MYO9B: variants seen among roughly 807,000 people sequenced by gnomAD.
The protein encoded by MYO9B is unconventional myosin-IXb.
A neutral mutation model predicts 229.5 loss-of-function variants in MYO9B; 71 were observed. The ratio of observed to expected loss-of-function variants is 0.31; its 90% CI spans 0.26 to 0.38. The LOEUF (loss-of-function observed/expected upper bound fraction) is 0.38, where lower values mean the gene tolerates loss of function less well. Among genes scored for constraint, MYO9B ranks in the 10% least tolerant of loss-of-function variants. MYO9B has a pLI of 1.00. For missense variants in MYO9B, 2,255 were observed against 2,920.5 expected (o/e 0.77, Z 5.25); for synonymous variants, 1,185 against 1,235.8 (o/e 0.96, Z 0.86).
Position 17,210,865 on chromosome 19 carries a change from C to T in MYO9B, c.5930+17C>T. ...GGAGGAGAAGCAAGTGGCTCAGTCC[C>T]CTCCCTCAGTCCTTCATGTTTAGGG... On this transcript the variant is annotated intron_variant, in intron 38 of 39. Coordinates refer to ENST00000682292, the MANE Select transcript of MYO9B (RefSeq NM_004145.4). 1 of 1,583,672 alleles carries T rather than the reference C, an allele frequency of 6.3e-7. No homozygotes were observed. Among genetic ancestry groups the T allele is most frequent in the Non-Finnish European group, 8.6e-7 (1 of 1,166,126 alleles).
At position 17,172,637 on chromosome 19, in the gene MYO9B, GC is replaced by G; in HGVS notation, c.1936-120del. The G allele has an allele frequency of 6.8e-7, 1 of 1,467,764 alleles. No individual in the cohort carries two copies. The allele number at this position is 1,467,764 out of a possible 1,614,324, so 90.9% of individuals were successfully genotyped here. A position where few individuals can be genotyped will look rare whatever the true frequency, so the allele number is the denominator to read the frequency against. Reference sequence around the variant, plus strand: ...TCCAAGGCGCCATAGTTCAAGAACTGCCATTTGCACTTAGGATGGGCCCCAC... The same window carrying G: ...TCCAAGGCGCCATAGTTCAAGAACTGCATTTGCACTTAGGATGGGCCCCAC... On this transcript the variant is annotated intron_variant, in intron 12 of 39. Coordinates refer to ENST00000682292, the MANE Select transcript of MYO9B (RefSeq NM_004145.4). The surrounding 1 kb of genome is among the most constrained non-coding windows in gnomAD (Gnocchi z 8.2).
intron 20 of MYO9B, among the ~76,000 whole-genome samples, chr19:17,191,759 T>G (rs2145445019): frequency 6.6e-6 from 1 of 151,882 alleles, no homozygotes; most frequent in East Asian, 1.9e-4. Flanking sequence ...GAGGATCCCT[T>G]GAGCCCAGGA....
At chr19:17,115,087 C>T (rs1211630984) in intron 2 of MYO9B, among the ~76,000 whole-genome samples, 1 of 152,100 alleles carries the variant, frequency 6.6e-6, no homozygotes, top group East Asian at 1.9e-4. Flanking sequence ...CTCCTAGGCT[C>T]AAGTGAGCCT....
intron 19 of MYO9B, among the ~76,000 whole-genome samples, chr19:17,190,885 T>C (rs1221200033): frequency 6.6e-6 from 1 of 152,062 alleles, no homozygotes; most frequent in Non-Finnish European, 1.5e-5. Context: ...CCTCAGGTGA[T>C]CCACACACCT....
intron 10 of MYO9B, among the ~76,000 whole-genome samples, chr19:17,167,138 A>T (rs2072668122): frequency 6.6e-6 from 1 of 151,840 alleles, no homozygotes; most frequent in South Asian, 2.1e-4. Flanking sequence ...CCAAAATCTG[A>T]AATGCTTCAA....
rs554376592 is a variant in MYO9B at position 17,132,337 on chromosome 19, C to A, written c.841-13060C>A. Among the ~76,000 whole-genome samples the A allele has an allele frequency of 1.5e-4, 23 of 149,754 alleles. No homozygotes were observed. The East Asian group carries it at 4.5e-3, about 29-fold the overall frequency. ...AGTAGGAGGGACTACAGGCTTGTGC[C>A]ACCACGCCCGGCTAATTTTTGTTAT... On this transcript the variant is annotated intron_variant, in intron 2 of 39. Transcript: ENST00000682292.
intron 17 of MYO9B, 71 bp downstream of exon 17, chr19:17,185,058 C>T (rs558160952): frequency 1.8e-5 from 29 of 1,601,864 alleles, no homozygotes; most frequent in Middle Eastern, 1.7e-4. Context: ...CACCCGACAC[C>T]GAGCACAGCC....
intron 2 of MYO9B, among the ~76,000 whole-genome samples, chr19:17,130,355 G>A (rs917663325): frequency 6.6e-6 from 1 of 151,820 alleles, no homozygotes; most frequent in African/African-American, 2.4e-5. Flanking sequence ...GGTGGCTCAC[G>A]CCTGTAATCC....
In MYO9B at chr19:17,102,557, G is replaced by T; in HGVS notation, c.840G>T (p.Glu280Asp). The change falls in exon 2 of 40, where the codon GAG (glutamate) becomes GAT (aspartate). Residue 280 changes from glutamate to aspartate, a missense_variant and splice_region_variant. By Grantham distance (45) the Glu-to-Asp change is conservative. Around this residue, in one of 7 missense-constraint regions of MYO9B, gnomAD observed 386 missense variants for 515.2 expected, o/e 0.75. Transcript: ENST00000682292. ...RTILGAGPVL[E>D]AFGNAKTAHN... The stretch of plus-strand genomic sequence containing the variant: ...TCCTGGGTGCTGGCCCTGTGCTGGA[G>T]GTGAGCGGGGAAGCTGGTCGGTCTG... The T allele has an allele frequency of 6.3e-7, 1 of 1,580,806 alleles. No homozygotes were observed.
In MYO9B at chr19:17,147,488, G is replaced by C. The variant is rs546470331; in HGVS notation, c.935+1997G>C. Among the ~76,000 whole-genome samples, 11 of 145,360 alleles carry C rather than the reference G, an allele frequency of 7.6e-5. No individual in the cohort carries two copies. The South Asian group carries it at 2.5e-3, about 33-fold the overall frequency. On this transcript the variant is annotated intron_variant, in intron 3 of 39. Transcript: ENST00000682292. The stretch of plus-strand genomic sequence containing the variant: ...GAACCCAGGAGGCGGAGATTGCAGT[G>C]AGCCAAGATCAGGCCACTGCACTCC...
intron 3 of MYO9B, among the ~76,000 whole-genome samples, chr19:17,151,875 A>C (rs2072480725): frequency 6.6e-6 from 1 of 152,172 alleles, no homozygotes. Context: ...TCCAGCCTGC[A>C]CAACAGAGCA....
intron 6 of MYO9B, 115 bp from the exon 7 acceptor site, chr19:17,156,794 C>T: frequency 8.0e-7 from 1 of 1,255,330 alleles, no homozygotes; most frequent in Non-Finnish European, 1.1e-6. Flanking sequence ...TTTCAAATTT[C>T]ATGCGTTCCG....
intron 3 of MYO9B, among the ~76,000 whole-genome samples, chr19:17,149,424 A>G (rs1250883124): frequency 1.3e-5 from 2 of 152,114 alleles, no homozygotes; most frequent in African/African-American, 2.4e-5. Flanking sequence ...GGCTCCCATC[A>G]TATTCAGGAC....
Position 17,206,244 on chromosome 19 carries a change from A to ACCCACCCCT in MYO9B, c.5258-3_5258-2insCCACCCCTC. On this transcript the variant is annotated splice_polypyrimidine_tract_variant and splice_region_variant and intron_variant, in intron 32 of 39. Coordinates refer to ENST00000682292, the MANE Select transcript of MYO9B (RefSeq NM_004145.4). ...TCACCAGACCCACCCCACCCACCCC[A>ACCCACCCCT]CAGACCCCGCAGCAGTCAAGCTGGA... 1 of 205,324 alleles carries ACCCACCCCT rather than the reference A, an allele frequency of 4.9e-6. No homozygotes were observed. Among genetic ancestry groups the ACCCACCCCT allele is most frequent in the Non-Finnish European group, 9.2e-6 (1 of 108,812 alleles). The allele number at this position is 205,324 out of a possible 1,614,324, so 12.7% of individuals were successfully genotyped here.
rs201758695 is a variant in MYO9B, at chr19:17,175,726, C to T, written c.2204C>T (p.Ser735Leu). ...CTGCCAAGAGGAGCCAGCACCCCTT[C>T]GGAAAAACTTTACCGGTGAGCAAGA... is the stretch of plus-strand genomic sequence containing the variant. ...EELPRGASTP[S>L]EKLYRDLHNQ... is the part of the protein sequence containing the mutation. Residue 735 changes from serine (S) to leucine (L), a missense_variant, in exon 14 of 40, where the codon TCG becomes TTG. Ser to Leu is a moderately radical substitution (Grantham distance 145, BLOSUM62 -2). Around this residue, in one of 7 missense-constraint regions of MYO9B, gnomAD observed 155 missense variants for 159.1 expected, o/e 0.97. Coordinates refer to ENST00000682292, the MANE Select transcript of MYO9B (RefSeq NM_004145.4). 1.9e-3 allele frequency: 2,921 copies of T among 1,574,176 alleles called. 1 individual carries two copies. The highest frequency in any genetic ancestry group is 2.3e-3 in the Non-Finnish European group (2,683 of 1,160,000).
intron 11 of MYO9B, among the ~76,000 whole-genome samples, chr19:17,169,364 T>A (rs139705037): frequency 0.098 from 10,563 of 108,124 alleles, 456 homozygotes; most frequent in Middle Eastern, 0.12. Flanking sequence ...AGACCAAGAC[T>A]CTGTCTCAAA....
intron 1 of MYO9B, among the ~76,000 whole-genome samples, chr19:17,086,673 A>G (rs907818401): frequency 5.3e-5 from 8 of 152,182 alleles, no homozygotes; most frequent in Non-Finnish European, 8.8e-5. Flanking sequence ...TGAGGCCAGG[A>G]GTTCAAGACC....
rs575581516 is a variant in MYO9B, at chr19:17,078,401, G to A, written c.-59+2527G>A. ...CTAAAAATACAAAAATTAGCCCGGC[G>A]TGGTGATGTGCGCCTGTAGTCCCAG... On this transcript the variant is annotated intron_variant, in intron 1 of 39. Transcript: ENST00000682292. Among the ~76,000 whole-genome samples, 14 of 152,236 alleles carry A rather than the reference G, an allele frequency of 9.2e-5. 1 individual carries two copies. Among genetic ancestry groups the A allele is most frequent in the African/African-American group, 2.9e-4 (12 of 41,558 alleles).
rs1420284364 is a variant in MYO9B at position 17,121,438 on chromosome 19, A to G, written c.840+18881A>G. Reference sequence around the variant, plus strand: ...GAACCCACACTTACAGCAGATATGTATTCCAAATATATATATATATATATA... The same window carrying G: ...GAACCCACACTTACAGCAGATATGTGTTCCAAATATATATATATATATATA... On this transcript the variant is annotated intron_variant, in intron 2 of 39. Transcript: ENST00000682292. Among the ~76,000 whole-genome samples, 4 of 131,300 alleles carry G rather than the reference A, an allele frequency of 3.0e-5. No individual in the cohort carries two copies. The South Asian group carries it at 9.8e-4, about 32-fold the overall frequency. The allele number at this position is 131,300 out of a possible 152,430, so 86.1% of individuals were successfully genotyped here.
Sources: gnomAD v4.1 joint callset for allele counts (sites outside exome capture counted in the v4.1 genomes callset) on GRCh38, gnomAD v4.1.1 for gene constraint, gnomAD v4.1.1 regional missense constraint, Gnocchi (gnomAD v3.1) non-coding constraint, MANE v1.5 for transcripts, NCBI Gene and HGNC (gene_info 2026-07-23, HGNC 2026-07-21) for gene names.